Variants in PPP2R2C observed in about 807,000 individuals in gnomAD.
The protein encoded by PPP2R2C is protein phosphatase 2, regulatory subunit B, gamma.
Under a neutral mutation model 45.3 loss-of-function variants are expected in PPP2R2C, and 10 were observed. The observed-to-expected ratio is 0.22, with a 90% CI of 0.14 to 0.37. The LOEUF is 0.37. PPP2R2C is among the 10% of genes least tolerant of loss of function. The probability of loss-of-function intolerance (pLI) is 1.00; values close to 1 mark genes in which losing one functional copy is unlikely to be tolerated. For synonymous variants in PPP2R2C, 257 were observed against 245.4 expected (o/e 1.05, Z -0.44); for missense variants, 308 against 619.7 (o/e 0.50, Z 5.34).
In PPP2R2C at chr4:6,330,484, A is replaced by T. The variant is rs578144249; in HGVS notation, c.961-1131T>A. On this transcript the variant is annotated intron_variant, in intron 7 of 8. Transcript: ENST00000382599. This position sits in a 1 kb window ranked among gnomAD's most constrained non-coding sequence, Gnocchi z 7.0. ...TACTGAGTAAAGCAGGCTGCCCTCC[A>T]TCATGTGGGGGGCCTTGTCCAATCA... 6.6e-6 allele frequency among the ~76,000 whole-genome samples: 1 copy of T among 152,258 alleles called. No individual in the cohort carries two copies. The highest frequency in any genetic ancestry group is 2.1e-4 in the South Asian group (1 of 4,830).
chr4:6,510,759 C>T (rs1039662631), intron 2 of PPP2R2C, among the ~76,000 whole-genome samples: 15 of 152,040 alleles, frequency 9.9e-5, no homozygotes, highest in Non-Finnish European at 1.6e-4. Flanking sequence ...GGGCGGACCC[C>T]GAGGTCAGGA....
intron 2 of PPP2R2C, among the ~76,000 whole-genome samples, chr4:6,510,743 C>T (rs544860239): frequency 2.6e-4 from 40 of 152,086 alleles, no homozygotes; most frequent in African/African-American, 8.2e-4. Flanking sequence ...TTTGGGAGGC[C>T]GAGGTGGGCG....
At chr4:6,413,902 C>A in intron 1 of PPP2R2C, 2 of 1,536,126 alleles carry the variant, frequency 1.3e-6, no homozygotes, top group Non-Finnish European at 1.7e-6. Context: ...CCCCTGCTCA[C>A]CCGTGTCTCT....
intron 5 of PPP2R2C, among the ~76,000 whole-genome samples, chr4:6,362,394 G>A (rs1405891730): frequency 1.3e-5 from 2 of 152,276 alleles, no homozygotes; most frequent in Middle Eastern, 3.4e-3. Context: ...GGTCTGTCAA[G>A]AAGGGACAGG....
At chr4:6,457,207 C>CA (rs34145628) in intron 1 of PPP2R2C, among the ~76,000 whole-genome samples, 1,736 of 88,676 alleles carry the variant, frequency 0.02, 49 homozygotes, top group African/African-American at 0.057. Flanking sequence ...GACTCCATCT[C>CA]AAAAAAAAAA....
At chr4:6,401,832 A>AG (rs563117343) in intron 1 of PPP2R2C, among the ~76,000 whole-genome samples, 17 of 151,922 alleles carry the variant, frequency 1.1e-4, no homozygotes, top group Non-Finnish European at 1.9e-4. Flanking sequence ...CTGGTGGGAG[A>AG]GGGGGGGTAT....
intron 1 of PPP2R2C, among the ~76,000 whole-genome samples, chr4:6,390,610 A>G (rs1184877053): frequency 2.0e-5 from 3 of 152,188 alleles, no homozygotes; most frequent in Non-Finnish European, 4.4e-5. Context: ...GGGACTGGAC[A>G]TCAGCACTGA....
At chr4:6,459,748 C>A (rs1455074492) in intron 1 of PPP2R2C, among the ~76,000 whole-genome samples, 1 of 152,112 alleles carries the variant, frequency 6.6e-6, no homozygotes, top group Non-Finnish European at 1.5e-5. Context: ...GATCACGACA[C>A]TGCACTCCAG....
chr4:6,324,270 A>G lies in PPP2R2C; in HGVS notation c.1053-677T>C, dbSNP rs1731763350. Among the ~76,000 whole-genome samples, 1 of 152,032 alleles carries G rather than the reference A, an allele frequency of 6.6e-6. No homozygotes were observed. Among genetic ancestry groups the G allele is most frequent in the African/African-American group, 2.4e-5 (1 of 41,394 alleles). On this transcript the variant is annotated intron_variant, in intron 8 of 8. Transcript: ENST00000382599. The surrounding 1 kb of genome is among the most constrained non-coding windows in gnomAD (Gnocchi z 4.1). ...AACATGATGAAACCCTGTCTCTACT[A>G]AAAATACAAAAATTAGCTGGACATG...
At chr4:6,523,868 C>T (rs1212642576) in intron 2 of PPP2R2C, among the ~76,000 whole-genome samples, 1 of 152,208 alleles carries the variant, frequency 6.6e-6, no homozygotes, top group Non-Finnish European at 1.5e-5. Flanking sequence ...TCCACTCATA[C>T]AGTGGAACAT....
intron 2 of PPP2R2C, among the ~76,000 whole-genome samples, chr4:6,494,134 C>T (rs73796225): frequency 0.035 from 5,273 of 152,304 alleles, 155 homozygotes; most frequent in African/African-American, 0.079. Flanking sequence ...ATCAGGCAGG[C>T]TCTGCTGACA....
intron 1 of PPP2R2C, among the ~76,000 whole-genome samples, chr4:6,556,708 T>C (rs1007901750): frequency 3.3e-5 from 5 of 152,028 alleles, no homozygotes; most frequent in African/African-American, 1.2e-4. Flanking sequence ...TGCATTAGTG[T>C]AGATCCCTAC....
intron 1 of PPP2R2C, chr4:6,413,884 C>T (rs1718372197): frequency 6.5e-7 from 1 of 1,535,930 alleles, no homozygotes; most frequent in African/African-American, 1.4e-5. Flanking sequence ...TCTCATGATG[C>T]CCCACAGCCC....
intron 2 of PPP2R2C, among the ~76,000 whole-genome samples, chr4:6,530,975 G>A (rs947952521): frequency 2.0e-5 from 3 of 152,182 alleles, no homozygotes; most frequent in Non-Finnish European, 4.4e-5. Context: ...CGGCATCACT[G>A]TGCTCTGGGG....
At chr4:6,497,015 A>G (rs1157002115) in intron 2 of PPP2R2C, among the ~76,000 whole-genome samples, 1 of 152,122 alleles carries the variant, frequency 6.6e-6, no homozygotes, top group Non-Finnish European at 1.5e-5. Context: ...GTGCCAAACA[A>G]CAACTGCCCT....
Position 6,323,250 on chromosome 4 carries a change from T to C in PPP2R2C, c.*52A>G. On this transcript the variant is annotated 3_prime_UTR_variant, in exon 9 of 9. Transcript: ENST00000382599. The stretch of plus-strand genomic sequence containing the variant: ...TTGCATTGCGGTCGTGAAGGTCATG[T>C]CGGGGATGACTTGCATGAGGCTGGG... 1.9e-6 allele frequency: 3 copies of C among 1,544,166 alleles called. No individual in the cohort carries two copies. Among genetic ancestry groups the C allele is most frequent in the Non-Finnish European group, 2.6e-6 (3 of 1,135,110 alleles).
Position 6,328,836 on chromosome 4 carries a change from G to A in PPP2R2C, c.1052+426C>T, listed in dbSNP as rs1026825320. On this transcript the variant is annotated intron_variant, in intron 8 of 8. Transcript: ENST00000382599. The surrounding 1 kb of genome is among the most constrained non-coding windows in gnomAD (Gnocchi z 4.4). Reference sequence around the variant, plus strand: ...GAGGGAGACAGTAGTGGTGATGGGAGGAGGGGTGAGTAGACCGATGGTCAA... The same window carrying A: ...GAGGGAGACAGTAGTGGTGATGGGAAGAGGGGTGAGTAGACCGATGGTCAA... 6.6e-6 allele frequency among the ~76,000 whole-genome samples: 1 copy of A among 152,220 alleles called. No individual in the cohort carries two copies. The highest frequency in any genetic ancestry group is 1.5e-5 in the Non-Finnish European group (1 of 68,036).
chr4:6,511,590 GGTGGTGATGGGGGTGGT>G (rs1261900102), intron 2 of PPP2R2C, among the ~76,000 whole-genome samples: 2 of 50,144 alleles, frequency 4.0e-5, no homozygotes, highest in East Asian at 8.8e-4. Context: ...TGGTGGTGGT[GGTGGTGATGGGGGTGGT>G]GGTGGTGGTG....
intron 1 of PPP2R2C, among the ~76,000 whole-genome samples, chr4:6,562,732 C>T (rs1725619856): frequency 6.6e-6 from 1 of 152,200 alleles, no homozygotes; most frequent in Admixed American, 6.5e-5. Flanking sequence ...GAAACTGAGG[C>T]CCTGAGAGAG....
Sources: allele counts gnomAD v4.1 joint callset (sites outside exome capture counted in the v4.1 genomes callset), GRCh38; gene constraint gnomAD v4.1.1; non-coding constraint Gnocchi (gnomAD v3.1); transcripts MANE v1.5; gene names NCBI Gene and HGNC (gene_info 2026-07-23, HGNC 2026-07-21).